The following COL28A1 variants were observed in gnomAD, a reference collection of about 807,000 sequenced individuals.
COL28A1 encodes collagen type XXVIII alpha 1 chain, also known as collagen alpha-1(XXVIII) chain.
A neutral mutation model predicts 150.2 loss-of-function variants in COL28A1; 161 were observed. The observed-to-expected ratio is 1.07, with a 90% confidence interval of 0.94 to 1.22. The LOEUF (loss-of-function observed/expected upper bound fraction) is 1.22. Among genes scored for constraint, COL28A1 ranks in the 50% most tolerant of loss-of-function variants. The pLI is 0.00. For missense variants in COL28A1, 1,617 were observed against 1,388.3 expected (o/e 1.16, Z -2.62); for synonymous variants, 552 against 469.7 (o/e 1.18, Z -2.26).
At position 7,512,589 on chromosome 7, in the gene COL28A1, G is replaced by A. The variant is rs1781203841; in HGVS notation, c.883-1454C>T. 2.6e-5 allele frequency among the ~76,000 whole-genome samples: 4 copies of A among 152,116 alleles called. 1 individual carries two copies. Among genetic ancestry groups the A allele is most frequent in the Admixed American group, 2.0e-4 (3 of 15,266 alleles). On this transcript the variant is annotated intron_variant, in intron 8 of 34. Transcript: ENST00000399429. ...CTCTGAATACTAATCCATTATATCA[G>A]ACTTTTGAAACTTCTACTACTTAGA...
Position 7,372,897 on chromosome 7 carries a change from T to C in COL28A1, c.2908+101A>G, listed in dbSNP as rs1332531629. 10 of 923,422 alleles carry C rather than the reference T, an allele frequency of 1.1e-5. No homozygotes were observed. The East Asian group carries it at 1.5e-4, about 14-fold the overall frequency. 57.2% of individuals were successfully genotyped at this position (923,422 alleles called of 1,614,324 possible). On this transcript the variant is annotated intron_variant, in intron 32 of 34. Coordinates refer to ENST00000399429, the MANE Select transcript of COL28A1 (RefSeq NM_001037763.3). ...CCATTTAATGTTGGCATAAGCCTTA[T>C]TAGCCTCCAGATTTTTCTATTTGGT... is the stretch of plus-strand genomic sequence containing the variant.
At chr7:7,415,469 C>T (rs186221465) in intron 27 of COL28A1, among the ~76,000 whole-genome samples, 5 of 152,310 alleles carry the variant, frequency 3.3e-5, no homozygotes, top group Admixed American at 2.0e-4. Flanking sequence ...TCCTGAGGGA[C>T]GAACCTCTGC....
chr7:7,393,390 T>A (rs1782657030), intron 27 of COL28A1, among the ~76,000 whole-genome samples: 1 of 152,144 alleles, frequency 6.6e-6, no homozygotes, highest in South Asian at 2.1e-4. Context: ...GTATGAGATG[T>A]CTGCTGGTGG....
chr7:7,508,981 G>GCACCAC (rs1780977394), intron 9 of COL28A1, among the ~76,000 whole-genome samples: 6 of 152,056 alleles, frequency 3.9e-5, no homozygotes, highest in Admixed American at 3.3e-4. Context: ...TTACAGGTGT[G>GCACCAC]CACCACCATG....
chr7:7,377,309 T>A (rs1403341317), intron 30 of COL28A1, among the ~76,000 whole-genome samples: 1 of 152,194 alleles, frequency 6.6e-6, no homozygotes, highest in African/African-American at 2.4e-5. Flanking sequence ...AATCACTGAA[T>A]AACTACCTTG....
rs1177669541 is a variant in COL28A1, at chr7:7,417,548, G to GGAGA, written c.2136+307_2136+310dup. 100 of 33,436 alleles carry GGAGA rather than the reference G, an allele frequency of 3.0e-3. 2 individuals are homozygous for GGAGA. Among genetic ancestry groups the GGAGA allele is most frequent in the Admixed American group, 5.8e-3 (7 of 1,200 alleles). The allele number at this position is 33,436 out of a possible 1,614,324, so 2.1% of individuals were successfully genotyped here. On this transcript the variant is annotated intron_variant, in intron 27 of 34. Transcript: ENST00000399429. ...GGGGAGGGAGGGAGGGAGGGGGGGG[G>GGAGA]GAGAGAGAGAGAGAGAGAGAGCAAC...
chr7:7,381,626 G>A lies in COL28A1; in HGVS notation c.2137-14C>T. ...TCCTTGTTCCCCCTACATAGGATAT[G>A]AGAAAGAGATGTTCTATTAATTTCC... On this transcript the variant is annotated splice_polypyrimidine_tract_variant and intron_variant, in intron 27 of 34. Transcript: ENST00000399429. The A allele has an allele frequency of 6.2e-7, 1 of 1,600,734 alleles. No individual in the cohort carries two copies. The highest frequency in any genetic ancestry group is 8.6e-7 in the Non-Finnish European group (1 of 1,167,894).
intron 11 of COL28A1, among the ~76,000 whole-genome samples, chr7:7,504,100 C>G (rs1458614655): frequency 2.6e-5 from 4 of 152,146 alleles, no homozygotes. Context: ...ACCAACCCCC[C>G]CAAAACATAC....
At chr7:7,512,531 G>A (rs1422544460) in intron 8 of COL28A1, among the ~76,000 whole-genome samples, 2 of 151,938 alleles carry the variant, frequency 1.3e-5, no homozygotes, top group African/African-American at 2.4e-5. Context: ...TTTTTAAAAG[G>A]TTAGTTTCCT....
Position 7,499,516 on chromosome 7 carries a change from A to C in COL28A1, c.1026+6498T>G, listed in dbSNP as rs910180018. Among the ~76,000 whole-genome samples the C allele has an allele frequency of 2.0e-5, 3 of 152,234 alleles. No individual in the cohort carries two copies. In the East Asian group the frequency reaches 5.8e-4, roughly 29 times the overall value. ...TTGTTTGATTAATTATTCTTTACCA[A>C]GAAATGTAGGAATCTACATGTTTTC... is the stretch of plus-strand genomic sequence containing the variant. On this transcript the variant is annotated intron_variant, in intron 11 of 34. Coordinates refer to ENST00000399429, the MANE Select transcript of COL28A1 (RefSeq NM_001037763.3).
chr7:7,536,011 G>C (rs17462749), upstream of COL28A1, among the ~76,000 whole-genome samples: 550 of 152,324 alleles, frequency 3.6e-3, 3 homozygotes, highest in Non-Finnish European at 6.0e-3. Context: ...TTCAGAATGA[G>C]ACTGTGTTTT....
At chr7:7,453,669 C>A (rs1190472547) in intron 16 of COL28A1, among the ~76,000 whole-genome samples, 161 bp from the exon 17 acceptor site, 1 of 152,188 alleles carries the variant, frequency 6.6e-6, no homozygotes, top group Admixed American at 6.5e-5. Flanking sequence ...AATTTGCATT[C>A]TTCCCTATTT....
At chr7:7,348,222 A>C in the COL28A1 span, among the ~76,000 whole-genome samples, 1 of 152,026 alleles carries the variant, frequency 6.6e-6, no homozygotes, top group Admixed American at 6.6e-5. Context: ...GGAGTTCAGA[A>C]GGACTTGCAA....
intron 27 of COL28A1, among the ~76,000 whole-genome samples, chr7:7,391,464 G>A (rs960890533): frequency 6.6e-6 from 1 of 152,152 alleles, no homozygotes; most frequent in Non-Finnish European, 1.5e-5. Context: ...CTGATTTGGG[G>A]TGGAAGGTTC....
chr7:7,473,529 A>G (rs1433891616), intron 15 of COL28A1, among the ~76,000 whole-genome samples: 1 of 152,184 alleles, frequency 6.6e-6, no homozygotes, highest in African/African-American at 2.4e-5. Context: ...CAAGAAATCA[A>G]AAAATAATAG....
chr7:7,451,124 G>T (rs1246783711), intron 18 of COL28A1, among the ~76,000 whole-genome samples: 2 of 152,096 alleles, frequency 1.3e-5, no homozygotes, highest in East Asian at 3.8e-4. Context: ...CTTTTAAAAA[G>T]TCTAGAGTCA....
At chr7:7,428,787 A>ATC (rs1784779077) in intron 25 of COL28A1, among the ~76,000 whole-genome samples, 1 of 152,208 alleles carries the variant, frequency 6.6e-6, no homozygotes, top group Admixed American at 6.5e-5. Context: ...TAAAATCTAT[A>ATC]TCTCCTCTCT....
intron 25 of COL28A1, among the ~76,000 whole-genome samples, chr7:7,424,923 C>T (rs982783134): frequency 6.6e-6 from 1 of 151,934 alleles, no homozygotes; most frequent in African/African-American, 2.4e-5. Flanking sequence ...ATTTTAACTC[C>T]TTTAAAAATA....
chr7:7,359,448 T>C (rs1209905849), intron 34 of COL28A1, among the ~76,000 whole-genome samples: 1 of 152,176 alleles, frequency 6.6e-6, no homozygotes, highest in Non-Finnish European at 1.5e-5. Flanking sequence ...AGGACAGCTG[T>C]AACAATAAAG....
Sources: gnomAD v4.1 joint callset for allele counts (sites outside exome capture counted in the v4.1 genomes callset) on GRCh38, gnomAD v4.1.1 for gene constraint, MANE v1.5 for transcripts, NCBI Gene and HGNC (gene_info 2026-07-23, HGNC 2026-07-21) for gene names.